NHSL1: variants seen among roughly 807,000 people sequenced by gnomAD.
The protein encoded by NHSL1 is NHS-like protein 1.
NHSL1 carries 48 observed loss-of-function variants against 95.0 expected under a neutral mutation model. The ratio of observed to expected loss-of-function variants is 0.51; its 90% confidence interval spans 0.40 to 0.64. The LOEUF (loss-of-function observed/expected upper bound fraction) is 0.64, where lower values mean the gene tolerates loss of function less well. Ranked by LOEUF, NHSL1 falls within the 30% of genes least tolerant of loss-of-function variation. NHSL1 has a pLI of 0.00. For synonymous variants in NHSL1, 783 were observed against 833.9 expected (o/e 0.94, Z 1.05); for missense variants, 1,971 against 2,077.7 (o/e 0.95, Z 1.00).
chr6:138,672,540 G>A (rs1405955989), intron 1 of NHSL1, among the ~76,000 whole-genome samples: 1 of 152,042 alleles, frequency 6.6e-6, no homozygotes, highest in Non-Finnish European at 1.5e-5. Context: ...GCCATCTGAG[G>A]GGCAATATGG....
Position 138,537,415 on chromosome 6 carries a change from T to C in NHSL1, c.16+8208A>G, listed in dbSNP as rs183549972. ...AACTTTTTAAAAGTTGGCGTAAATA[T>C]GCTGTGATGAAAACTGAGAAATACA... On this transcript the variant is annotated intron_variant, in intron 1 of 4. Coordinates refer to the NHSL1 transcript ENST00000342260. 8.0e-4 allele frequency among the ~76,000 whole-genome samples: 122 copies of C among 152,360 alleles called. 3 individuals are homozygous for C. Among genetic ancestry groups the C allele is most frequent in the Admixed American group, 8.5e-4 (13 of 15,306 alleles).
intron 1 of NHSL1, among the ~76,000 whole-genome samples, chr6:138,551,416 G>A (rs1395434613): frequency 1.3e-5 from 2 of 152,198 alleles, no homozygotes; most frequent in African/African-American, 4.8e-5. Flanking sequence ...CTGGATGCAA[G>A]AGATTGGAGA....
At chr6:138,521,113 C>A (rs1306381385) in intron 1 of NHSL1, among the ~76,000 whole-genome samples, 3 of 152,128 alleles carry the variant, frequency 2.0e-5, no homozygotes, top group Non-Finnish European at 4.4e-5. Context: ...TTGTCTCCAC[C>A]AATTAGCTAA....
chr6:138,458,941 C>T (rs1285949830), intron 3 of NHSL1, among the ~76,000 whole-genome samples: 1 of 151,816 alleles, frequency 6.6e-6, no homozygotes, highest in African/African-American at 2.4e-5. Flanking sequence ...CTGATATTAA[C>T]GCCTCTGAGG....
intron 1 of NHSL1, among the ~76,000 whole-genome samples, chr6:138,606,754 G>C (rs1784439516): frequency 6.8e-6 from 1 of 146,980 alleles, no homozygotes. Flanking sequence ...CCAGGCTGGA[G>C]TGCAGTGGCG....
At chr6:138,629,739 T>G (rs1171634290) in intron 1 of NHSL1, among the ~76,000 whole-genome samples, 1 of 152,240 alleles carries the variant, frequency 6.6e-6, no homozygotes, top group Non-Finnish European at 1.5e-5. Flanking sequence ...ACAGATTTAG[T>G]TGTTGTGGCA....
chr6:138,530,220 C>T (rs567214948), intron 1 of NHSL1, among the ~76,000 whole-genome samples: 1 of 152,074 alleles, frequency 6.6e-6, no homozygotes, highest in Non-Finnish European at 1.5e-5. Flanking sequence ...CAAAAGAGGC[C>T]CCAGAGAAAT....
At chr6:138,515,847 C>T (rs910412754) in intron 1 of NHSL1, among the ~76,000 whole-genome samples, 1 of 152,178 alleles carries the variant, frequency 6.6e-6, no homozygotes. Context: ...ATATGAAACA[C>T]ATTCCAACTC....
intron 1 of NHSL1, among the ~76,000 whole-genome samples, chr6:138,592,416 T>C (rs181814923): frequency 1.2e-3 from 190 of 152,176 alleles, no homozygotes; most frequent in African/African-American, 4.3e-3. Context: ...CTGGCCAGCA[T>C]GGGGAAACCC....
chr6:138,476,170 T>C (rs1277765841), intron 2 of NHSL1, among the ~76,000 whole-genome samples: 1 of 152,080 alleles, frequency 6.6e-6, no homozygotes, highest in Non-Finnish European at 1.5e-5. Flanking sequence ...AAAGACATCA[T>C]TATAGAAAAA....
intron 5 of NHSL1, among the ~76,000 whole-genome samples, chr6:138,434,024 C>G (rs1226141390): frequency 1.3e-5 from 2 of 152,104 alleles, no homozygotes; most frequent in African/African-American, 2.4e-5. Context: ...TTCAAGGTAG[C>G]CTTTCGCCCA....
chr6:138,682,783 G>A (rs2114788536), intron 1 of NHSL1, among the ~76,000 whole-genome samples: 1 of 152,304 alleles, frequency 6.6e-6, no homozygotes, highest in South Asian at 2.1e-4. Context: ...ACCCGGCTGC[G>A]CTGACTCAGA....
intron 2 of NHSL1, among the ~76,000 whole-genome samples, chr6:138,485,824 A>G (rs368282126): frequency 4.6e-5 from 7 of 152,182 alleles, no homozygotes; most frequent in East Asian, 3.9e-4. Flanking sequence ...AATACCACAC[A>G]TATTTTTTTT....
In NHSL1 at chr6:138,431,156, G is replaced by T. The variant is rs1775625632; in HGVS notation, c.3189C>A (p.Pro1063=). Residue 1063 remains proline, a synonymous_variant, in exon 6 of 8, where the codon CCC becomes CCA. Transcript: ENST00000343505. The surrounding 1 kb of genome is among the most constrained non-coding windows in gnomAD (Gnocchi z 4.0). ...PPSTKEETSR[P]PMPLITTEAL... ...CTTCCGTGGTTATCAGGGGCATGGG[G>T]GGCCTGCTGGTCTCCTCCTTGGTAG... is the stretch of plus-strand genomic sequence containing the variant. 1 of 1,551,380 alleles carries T rather than the reference G, an allele frequency of 6.4e-7. No individual in the cohort carries two copies. The highest frequency in any genetic ancestry group is 1.4e-5 in the African/African-American group (1 of 73,032).
intron 3 of NHSL1, among the ~76,000 whole-genome samples, chr6:138,470,822 C>T (rs546426032): frequency 4.9e-4 from 75 of 152,238 alleles, no homozygotes; most frequent in African/African-American, 1.6e-3. Context: ...AAAAGAAGGA[C>T]GCTGTGGGTC....
At chr6:138,472,124 G>A (rs1363628661) in intron 3 of NHSL1, among the ~76,000 whole-genome samples, 2 of 148,820 alleles carry the variant, frequency 1.3e-5, no homozygotes, top group Non-Finnish European at 1.5e-5. Flanking sequence ...GGAGTTTGCA[G>A]TGAGCCAAGA....
intron 3 of NHSL1, among the ~76,000 whole-genome samples, 198 bp downstream of exon 3, chr6:138,473,108 C>G (rs1778854701): frequency 6.6e-6 from 1 of 152,094 alleles, no homozygotes; most frequent in Admixed American, 6.5e-5. Context: ...TGCAAGTTTC[C>G]TGTGTACCCT....
At chr6:138,487,038 C>T (rs764830213) in intron 2 of NHSL1, among the ~76,000 whole-genome samples, 44 of 152,082 alleles carry the variant, frequency 2.9e-4, no homozygotes, top group Non-Finnish European at 3.8e-4. Context: ...AAAAGTATGG[C>T]TTGGGACATG....
chr6:138,492,946 A>G (rs1464062502), intron 2 of NHSL1, among the ~76,000 whole-genome samples: 1 of 152,208 alleles, frequency 6.6e-6, no homozygotes, highest in Non-Finnish European at 1.5e-5. Context: ...TAGACTGATA[A>G]TTTATATAAC....
Sources: allele counts gnomAD v4.1 joint callset (sites outside exome capture counted in the v4.1 genomes callset), GRCh38; gene constraint gnomAD v4.1.1; non-coding constraint Gnocchi (gnomAD v3.1); transcripts MANE v1.5; gene names NCBI Gene and HGNC (gene_info 2026-07-23, HGNC 2026-07-21).